NFATC2: variants seen among roughly 807,000 people sequenced by gnomAD.
NFATC2 encodes the protein nuclear factor of activated T-cells, cytoplasmic 2.
NFATC2 carries 22 observed loss-of-function variants against 87.3 expected under a neutral mutation model. The ratio of observed to expected loss-of-function variants is 0.25; its 90% CI spans 0.18 to 0.36. The LOEUF is 0.36. NFATC2 is among the 10% of genes least tolerant of loss of function. NFATC2 has a pLI of 1.00. For missense variants in NFATC2, 1,149 were observed against 1,259.1 expected (o/e 0.91, Z 1.32); for synonymous variants, 565 against 542.2 (o/e 1.04, Z -0.58).
Position 51,490,436 on chromosome 20 carries a change from A to C in NFATC2, c.1333-14776T>G, listed in dbSNP as rs150487821. 1.1e-3 allele frequency among the ~76,000 whole-genome samples: 171 copies of C among 152,276 alleles called. 1 individual carries two copies. The highest frequency in any genetic ancestry group is 4.0e-3 in the African/African-American group (167 of 41,550). ...AAGAGGGAAGAATACACAGCCACAAATGGACACACCACTGTTCCCCAACCT... is the reference window on the plus strand; with the variant it reads ...AAGAGGGAAGAATACACAGCCACAACTGGACACACCACTGTTCCCCAACCT... On this transcript the variant is annotated intron_variant, in intron 3 of 10. Transcript: ENST00000371564.
intron 6 of NFATC2, among the ~76,000 whole-genome samples, chr20:51,451,759 G>A (rs763687011): frequency 1.3e-5 from 2 of 152,128 alleles, no homozygotes; most frequent in East Asian, 1.9e-4. Context: ...TGTAAACTGC[G>A]CTTGCCAGGG....
At chr20:51,487,723 G>A (rs570860383) in intron 3 of NFATC2, among the ~76,000 whole-genome samples, 2 of 151,952 alleles carry the variant, frequency 1.3e-5, no homozygotes, top group Admixed American at 6.5e-5. Context: ...ATTCCCAATC[G>A]AATGACACCT....
rs190661855 is a variant in NFATC2, at chr20:51,476,525, C to G, written c.1333-865G>C. ...TGAATCCTAATCCCAATGGCTTTCC[C>G]TATCTCTCTCTCCTACTTTTTATCC... is the stretch of plus-strand genomic sequence containing the variant. On this transcript the variant is annotated intron_variant, in intron 3 of 10. Transcript: ENST00000371564. Among the ~76,000 whole-genome samples, 592 of 152,244 alleles carry G rather than the reference C, an allele frequency of 3.9e-3. 5 individuals carry two copies. The highest frequency in any genetic ancestry group is 0.013 in the African/African-American group (552 of 41,536).
chr20:51,536,320 A>G (rs1467566927), intron 1 of NFATC2, among the ~76,000 whole-genome samples: 1 of 152,178 alleles, frequency 6.6e-6, no homozygotes, highest in Non-Finnish European at 1.5e-5. Context: ...GCTGTGAGAT[A>G]TAGTGCTGAT....
rs1327964714 is a variant in NFATC2, at chr20:51,429,060, TAACAC to T, written c.2722+3002_2722+3006del. On this transcript the variant is annotated intron_variant, in intron 9 of 10. Transcript: ENST00000371564. ...GATTTTCCAGTTTACTTGTCAGAAA[TAACAC>T]AACACAGCAAACCAAGACGTCCAAA... Among the ~76,000 whole-genome samples, 12 of 152,268 alleles carry T rather than the reference TAACAC, an allele frequency of 7.9e-5. No homozygotes were observed. The East Asian group carries it at 2.3e-3, about 29-fold the overall frequency.
intron 9 of NFATC2, among the ~76,000 whole-genome samples, chr20:51,410,672 A>G (rs1398729353): frequency 3.9e-5 from 6 of 152,004 alleles, no homozygotes; most frequent in Admixed American, 3.9e-4. Context: ...ACAAAAGGAG[A>G]CAGATCTCCT....
intron 10 of NFATC2, 150 bp downstream of exon 10, chr20:51,398,493 T>TGGAG (rs777457642): frequency 7.5e-5 from 41 of 550,260 alleles, no homozygotes; most frequent in Non-Finnish European, 1.2e-4. Flanking sequence ...ACTTCAGGAG[T>TGGAG]GGAGGGGTCT....
intron 1 of NFATC2, among the ~76,000 whole-genome samples, chr20:51,561,060 C>A (rs1049411383): frequency 6.6e-6 from 1 of 151,902 alleles, no homozygotes; most frequent in African/African-American, 2.4e-5. Context: ...CAGTAAAAAC[C>A]CTTTCTCGCC....
chr20:51,522,599 A>G lies in NFATC2; in HGVS notation c.1160+482T>C, dbSNP rs567471007. On this transcript the variant is annotated intron_variant, in intron 2 of 10. Transcript: ENST00000371564. ...TTTTTTTTTTTTTTAGGTCCTCCAT[A>G]TAACTGCGGCACACAGCAGATGCTA... Among the ~76,000 whole-genome samples, 4 of 148,178 alleles carry G rather than the reference A, an allele frequency of 2.7e-5. 1 individual carries two copies. The South Asian group carries it at 8.5e-4, about 31-fold the overall frequency.
At chr20:51,398,566 TACTTAAA>T in intron 10 of NFATC2, 70 bp downstream of exon 10, 2 of 914,484 alleles carry the variant, frequency 2.2e-6, no homozygotes, top group East Asian at 2.9e-5. Flanking sequence ...TCTTATACTT[TACTTAAA>T]AAAAAAAAAA....
At chr20:51,542,922 C>T (rs1044235753), upstream of NFATC2, among the ~76,000 whole-genome samples, 1 of 152,076 alleles carries the variant, frequency 6.6e-6, no homozygotes, top group African/African-American at 2.4e-5. Flanking sequence ...GGCGCTGGGG[C>T]GGCCGCTGTC....
At chr20:51,426,304 C>G (rs1981823340) in intron 9 of NFATC2, among the ~76,000 whole-genome samples, 1 of 152,066 alleles carries the variant, frequency 6.6e-6, no homozygotes, top group African/African-American at 2.4e-5. Flanking sequence ...ATGGCGAAAC[C>G]ATGTCTCTAC....
In NFATC2 at chr20:51,440,283, G is replaced by A. The variant is rs1984159856; in HGVS notation, c.1850-4522C>T. ...ATGTTCAACAGAAGATACCTGTTAC[G>A]ATTATGGCTAGTGGCAACAGATTAT... On this transcript the variant is annotated intron_variant, in intron 6 of 10. Transcript: ENST00000371564. Among the ~76,000 whole-genome samples, 3 of 146,070 alleles carry A rather than the reference G, an allele frequency of 2.1e-5. No individual in the cohort carries two copies. The Middle Eastern group carries it at 0.011, about 533-fold the overall frequency.
chr20:51,462,269 T>C (rs1987235146), intron 5 of NFATC2, among the ~76,000 whole-genome samples: 2 of 135,360 alleles, frequency 1.5e-5, no homozygotes, highest in South Asian at 5.1e-4. Flanking sequence ...ACCCCATCTC[T>C]GCTAATAATA....
At chr20:51,451,658 C>T (rs940114986) in intron 6 of NFATC2, among the ~76,000 whole-genome samples, 1 of 152,246 alleles carries the variant, frequency 6.6e-6, no homozygotes, top group Admixed American at 6.5e-5. Flanking sequence ...TCTGTGTTGA[C>T]AGCCACTCCC....
intron 6 of NFATC2, among the ~76,000 whole-genome samples, chr20:51,438,153 A>T (rs1310090489): frequency 1.3e-5 from 2 of 152,206 alleles, no homozygotes; most frequent in Admixed American, 6.5e-5. Context: ...TGTCAAAGAC[A>T]AGTCAAAGAC....
intron 1 of NFATC2, among the ~76,000 whole-genome samples, chr20:51,530,332 A>G (rs549448881): frequency 3.8e-4 from 58 of 151,968 alleles, no homozygotes; most frequent in African/African-American, 1.4e-3. Flanking sequence ...ATGCCCGGCT[A>G]ATTTTTTTGT....
At chr20:51,507,489 G>A (rs7271223) in intron 3 of NFATC2, among the ~76,000 whole-genome samples, 3,368 of 152,278 alleles carry the variant, frequency 0.022, 110 homozygotes, top group African/African-American at 0.076. Flanking sequence ...CTCTCTCAAC[G>A]AAAGAACAAC....
intron 1 of NFATC2, among the ~76,000 whole-genome samples, chr20:51,531,513 C>T (rs1340127678): frequency 6.6e-6 from 1 of 152,224 alleles, no homozygotes; most frequent in East Asian, 1.9e-4. Flanking sequence ...GTTCAGCCCT[C>T]CTCTTTGCCC....
Sources: allele counts gnomAD v4.1 joint callset (sites outside exome capture counted in the v4.1 genomes callset), GRCh38; gene constraint gnomAD v4.1.1; transcripts MANE v1.5; gene names NCBI Gene and HGNC (gene_info 2026-07-23, HGNC 2026-07-21).